FTO: variants seen among roughly 807,000 people sequenced by gnomAD.
FTO encodes the protein FTO alpha-ketoglutarate dependent dioxygenase.
Under a neutral mutation model 63.9 loss-of-function variants are expected in FTO, and 47 were observed. The observed-to-expected ratio is 0.74, with a 90% CI of 0.58 to 0.94. The LOEUF is 0.94. Among genes scored for constraint, FTO ranks in the 40% least tolerant of loss-of-function variants. The probability of loss-of-function intolerance (pLI) is 0.00; values close to 1 mark genes in which losing one functional copy is unlikely to be tolerated. For missense variants in FTO, 562 were observed against 618.1 expected (o/e 0.91, Z 0.96); for synonymous variants, 207 against 224.4 (o/e 0.92, Z 0.69).
At chr16:54,008,219 C>T (rs2084255900) in intron 8 of FTO, among the ~76,000 whole-genome samples, 1 of 152,128 alleles carries the variant, frequency 6.6e-6, no homozygotes, top group African/African-American at 2.4e-5. Flanking sequence ...ATCTCAGTTT[C>T]TAAGTAGGAA....
intron 7 of FTO, among the ~76,000 whole-genome samples, chr16:53,932,690 C>G (rs967109839): frequency 2.6e-5 from 4 of 152,062 alleles, no homozygotes; most frequent in Admixed American, 6.6e-5. Context: ...GCACTCAGCC[C>G]TGGTGAATTT....
intron 1 of FTO, among the ~76,000 whole-genome samples, chr16:53,711,164 T>C (rs745729315): frequency 1.4e-5 from 2 of 142,238 alleles, no homozygotes; most frequent in Non-Finnish European, 3.1e-5. Context: ...ATTCTGTATG[T>C]ATATATATAT....
At chr16:53,878,430 G>T (rs113522049) in intron 5 of FTO, among the ~76,000 whole-genome samples, 9 of 152,094 alleles carry the variant, frequency 5.9e-5, no homozygotes, top group African/African-American at 2.2e-4. Context: ...CAGCACTCTG[G>T]GATCTTCATA....
intron 8 of FTO, among the ~76,000 whole-genome samples, chr16:54,020,718 T>C (rs1435428234): frequency 6.6e-6 from 1 of 152,196 alleles, no homozygotes; most frequent in Non-Finnish European, 1.5e-5. Context: ...ATGCCTGTAA[T>C]CCCAGCACTT....
chr16:53,892,014 A>G (rs1189772183), intron 7 of FTO, among the ~76,000 whole-genome samples: 1 of 152,108 alleles, frequency 6.6e-6, no homozygotes, highest in Admixed American at 6.6e-5. Flanking sequence ...GATAAAAGGG[A>G]TGTTTCTTCC....
chr16:53,946,485 A>T (rs2082653129), intron 8 of FTO, among the ~76,000 whole-genome samples: 1 of 152,172 alleles, frequency 6.6e-6, no homozygotes, highest in South Asian at 2.1e-4. Flanking sequence ...AGATATGCTC[A>T]TATTAAGTTG....
intron 1 of FTO, among the ~76,000 whole-genome samples, chr16:53,772,398 A>G (rs2077360485): frequency 6.6e-6 from 1 of 151,902 alleles, no homozygotes; most frequent in Non-Finnish European, 1.5e-5. Flanking sequence ...TTCTCAGGAG[A>G]CTTTCTCTGA....
intron 1 of FTO, among the ~76,000 whole-genome samples, chr16:53,752,955 G>T: frequency 6.7e-6 from 1 of 149,702 alleles, no homozygotes. Flanking sequence ...TTCGTTGAGG[G>T]CTTTAAAAAA....
chr16:53,984,983 A>G (rs535827133), intron 8 of FTO: 1 of 456,516 alleles, frequency 2.2e-6, no homozygotes, highest in African/African-American at 2.0e-5. Context: ...TTGTGTCCTC[A>G]GCTGCCATTG....
intron 8 of FTO, chr16:53,993,719 T>C (rs2083868816): frequency 6.6e-6 from 1 of 152,262 alleles, no homozygotes; most frequent in South Asian, 2.1e-4. Flanking sequence ...CTTTCTTTTT[T>C]CATTTTATTT....
intron 7 of FTO, among the ~76,000 whole-genome samples, chr16:53,898,905 C>A (rs1471021635): frequency 6.6e-6 from 1 of 152,102 alleles, no homozygotes; most frequent in Non-Finnish European, 1.5e-5. Context: ...GAACTCCTGG[C>A]CTTAAGTCAT....
intron 8 of FTO, among the ~76,000 whole-genome samples, chr16:53,952,659 GA>G (rs1420219596): frequency 1.3e-5 from 2 of 152,208 alleles, no homozygotes; most frequent in Non-Finnish European, 2.9e-5. Flanking sequence ...CAAGGCAGAA[GA>G]GACAGAGTTA....
chr16:54,026,130 G>A (rs533303469), intron 8 of FTO, among the ~76,000 whole-genome samples: 3 of 152,134 alleles, frequency 2.0e-5, no homozygotes, highest in Non-Finnish European at 2.9e-5. Context: ...CCAGAAAAAC[G>A]GTAACTTAAA....
chr16:53,912,613 A>T (rs1165741746), intron 7 of FTO, among the ~76,000 whole-genome samples: 1 of 152,198 alleles, frequency 6.6e-6, no homozygotes, highest in Admixed American at 6.5e-5. Context: ...AACAGATTGC[A>T]TGGGGAATGT....
intron 8 of FTO, among the ~76,000 whole-genome samples, chr16:53,995,643 G>C (rs2083918459): frequency 6.6e-6 from 1 of 152,214 alleles, no homozygotes; most frequent in Non-Finnish European, 1.5e-5. Flanking sequence ...AGCAAATTAA[G>C]AGGAAAGCTT....
At chr16:53,726,830 AGC>A (rs2076164119) in intron 1 of FTO, among the ~76,000 whole-genome samples, 2 of 152,146 alleles carry the variant, frequency 1.3e-5, no homozygotes, top group Non-Finnish European at 2.9e-5. Context: ...CAGCAGTTGG[AGC>A]AGGTTGGAGA....
At chr16:53,949,455 G>A (rs2082721215) in intron 8 of FTO, among the ~76,000 whole-genome samples, 1 of 152,196 alleles carries the variant, frequency 6.6e-6, no homozygotes, top group Admixed American at 6.5e-5. Context: ...GGCCACCGAA[G>A]TCAGCTGTTA....
intron 7 of FTO, among the ~76,000 whole-genome samples, chr16:53,912,599 C>T (rs1340877045): frequency 6.6e-6 from 1 of 152,176 alleles, no homozygotes; most frequent in African/African-American, 2.4e-5. Flanking sequence ...GTAGAATCAT[C>T]ATCAACAGAT....
At chr16:54,009,919 G>T (rs2084298615) in intron 8 of FTO, among the ~76,000 whole-genome samples, 3 of 152,118 alleles carry the variant, frequency 2.0e-5, no homozygotes, top group East Asian at 1.9e-4. Context: ...GGGGTTGAAG[G>T]TTCAGCTGTA....
Sources: allele counts gnomAD v4.1 joint callset (sites outside exome capture counted in the v4.1 genomes callset), GRCh38; gene constraint gnomAD v4.1.1; transcripts MANE v1.5; gene names NCBI Gene and HGNC (gene_info 2026-07-23, HGNC 2026-07-21).